CPEB3: variants seen among roughly 807,000 people sequenced by gnomAD.
The protein encoded by CPEB3 is cytoplasmic polyadenylation element binding protein 3.
In CPEB3, 20 loss-of-function variants were observed where a neutral mutation model predicts 67.2. That is an observed-to-expected ratio of 0.30 (90% confidence interval 0.21 to 0.43). The LOEUF is 0.43. Among genes scored for constraint, CPEB3 ranks in the 20% least tolerant of loss-of-function variants. The pLI, the probability that CPEB3 is intolerant of heterozygous loss-of-function variation, is 1.00. For synonymous variants in CPEB3, 376 were observed against 393.1 expected, an observed-to-expected ratio of 0.96 and a Z score of 0.51; for missense variants, 746 against 968.6, an observed-to-expected ratio of 0.77 and a Z score of 3.05.
At chr10:92,073,037 T>C (rs78807197) in intron 9 of CPEB3, among the ~76,000 whole-genome samples, 7 of 129,432 alleles carry the variant, frequency 5.4e-5, no homozygotes, top group African/African-American at 2.1e-4. Flanking sequence ...TGAATCTCTG[T>C]CTTTTTTTTT....
chr10:92,215,298 G>A (rs1212950361), intron 2 of CPEB3, among the ~76,000 whole-genome samples: 8 of 150,224 alleles, frequency 5.3e-5, no homozygotes, highest in African/African-American at 1.7e-4. Context: ...GATTACAGGC[G>A]CCCACCACTA....
intron 9 of CPEB3, among the ~76,000 whole-genome samples, chr10:92,055,243 C>T (rs1417262749): frequency 1.3e-5 from 2 of 152,228 alleles, no homozygotes; most frequent in East Asian, 3.8e-4. Flanking sequence ...GGTAACAATG[C>T]TCCTTACTGC....
intron 4 of CPEB3, among the ~76,000 whole-genome samples, chr10:92,163,545 A>G (rs1367276993): frequency 1.3e-5 from 2 of 152,150 alleles, no homozygotes; most frequent in East Asian, 3.8e-4. Context: ...GTTCCCTTTC[A>G]GCTTCCCTTG....
At chr10:92,273,438 T>C (rs921381605) in intron 1 of CPEB3, among the ~76,000 whole-genome samples, 5 of 152,140 alleles carry the variant, frequency 3.3e-5, no homozygotes, top group African/African-American at 1.2e-4. Flanking sequence ...CTTAATAAGA[T>C]TTTAGCTATC....
chr10:92,208,121 A>G (rs868759688), intron 2 of CPEB3, among the ~76,000 whole-genome samples: 9 of 152,238 alleles, frequency 5.9e-5, no homozygotes, highest in African/African-American at 1.7e-4. Flanking sequence ...TATGAGCTGT[A>G]TAAGTATTCT....
At chr10:92,162,635 T>C (rs1847542863) in intron 4 of CPEB3, among the ~76,000 whole-genome samples, 1 of 152,186 alleles carries the variant, frequency 6.6e-6, no homozygotes, top group African/African-American at 2.4e-5. Context: ...AATACAAGAA[T>C]TATTCCAAAA....
chr10:92,179,822 T>G (rs1398584185), intron 4 of CPEB3, among the ~76,000 whole-genome samples: 1 of 152,186 alleles, frequency 6.6e-6, no homozygotes, highest in African/African-American at 2.4e-5. Flanking sequence ...AGATGTGAAA[T>G]ATATATTTTA....
At chr10:92,280,382 A>C (rs965415544) in intron 1 of CPEB3, among the ~76,000 whole-genome samples, 8 of 149,586 alleles carry the variant, frequency 5.3e-5, no homozygotes, top group African/African-American at 2.0e-4. Flanking sequence ...AGAGAGAGAG[A>C]AAGAAAAAAA....
intron 2 of CPEB3, chr10:92,216,465 G>A (rs767563592): frequency 8.1e-6 from 13 of 1,612,832 alleles, no homozygotes; most frequent in Non-Finnish European, 9.3e-6. Flanking sequence ...CGCCTCAAGC[G>A]GAAGCTCTAC....
intron 6 of CPEB3, among the ~76,000 whole-genome samples, chr10:92,122,991 C>T (rs1845458038): frequency 1.3e-5 from 2 of 152,162 alleles, no homozygotes; most frequent in South Asian, 2.1e-4. Context: ...TTGATTCTAG[C>T]CTGTTTTGTG....
intron 6 of CPEB3, among the ~76,000 whole-genome samples, chr10:92,138,727 G>T (rs1846240228): frequency 6.6e-6 from 1 of 152,108 alleles, no homozygotes; most frequent in Non-Finnish European, 1.5e-5. Context: ...GGAGAAAAGG[G>T]AACACTTGTA....
At chr10:92,074,093 T>G (rs1842853423) in intron 9 of CPEB3, among the ~76,000 whole-genome samples, 1 of 137,436 alleles carries the variant, frequency 7.3e-6, no homozygotes, top group Non-Finnish European at 1.7e-5. Context: ...TCTTTTTAAC[T>G]ATTTTTTTTT....
At chr10:92,188,153 G>A (rs1848780646) in intron 3 of CPEB3, among the ~76,000 whole-genome samples, 1 of 151,828 alleles carries the variant, frequency 6.6e-6, no homozygotes, top group Non-Finnish European at 1.5e-5. Flanking sequence ...CCAAGATTGT[G>A]CCACTGCACT....
intron 1 of CPEB3, among the ~76,000 whole-genome samples, chr10:92,281,236 T>C (rs1377856660): frequency 6.6e-6 from 1 of 151,320 alleles, no homozygotes; most frequent in Non-Finnish European, 1.5e-5. Flanking sequence ...ATTGGGCTTT[T>C]TTTGGGTTTG....
At chr10:92,243,485 C>G (rs1451704990) in intron 1 of CPEB3, among the ~76,000 whole-genome samples, 1 of 152,152 alleles carries the variant, frequency 6.6e-6, no homozygotes, top group Non-Finnish European at 1.5e-5. Flanking sequence ...AAAAAATAAA[C>G]TGGTTTGTCA....
intron 4 of CPEB3, among the ~76,000 whole-genome samples, chr10:92,174,617 C>A (rs1226476169): frequency 6.6e-6 from 1 of 152,044 alleles, no homozygotes; most frequent in African/African-American, 2.4e-5. Flanking sequence ...AAGTTTAAGT[C>A]TTCAAACTAC....
At chr10:92,246,304 A>G (rs1440062155) in intron 1 of CPEB3, among the ~76,000 whole-genome samples, 1 of 151,168 alleles carries the variant, frequency 6.6e-6, no homozygotes, top group Admixed American at 6.6e-5. Flanking sequence ...ACTGCACTCC[A>G]GCCTGGGAGA....
At chr10:92,226,894 G>A (rs567471395) in intron 2 of CPEB3, among the ~76,000 whole-genome samples, 1 of 151,894 alleles carries the variant, frequency 6.6e-6, no homozygotes, top group African/African-American at 2.4e-5. Flanking sequence ...GAACAGGGAG[G>A]GGGGAGCGAA....
chr10:92,212,770 A>G (rs1460160927), intron 2 of CPEB3, among the ~76,000 whole-genome samples: 2 of 152,096 alleles, frequency 1.3e-5, no homozygotes, highest in African/African-American at 4.8e-5. Context: ...AATAAAATAT[A>G]TTAGTAAAAT....
Sources: allele counts gnomAD v4.1 joint callset (sites outside exome capture counted in the v4.1 genomes callset), GRCh38; gene constraint gnomAD v4.1.1; transcripts MANE v1.5; gene names NCBI Gene and HGNC (gene_info 2026-07-23, HGNC 2026-07-21).